FSTL4: variants seen among roughly 807,000 people sequenced by gnomAD.
FSTL4 encodes the protein follistatin like 4.
Under a neutral mutation model 78.2 loss-of-function variants are expected in FSTL4, and 28 were observed. That is an observed-to-expected ratio of 0.36 (90% CI 0.27 to 0.49). The LOEUF (loss-of-function observed/expected upper bound fraction) is 0.49. Among genes scored for constraint, FSTL4 ranks in the 20% least tolerant of loss-of-function variants. The pLI is 0.98. For missense variants in FSTL4, 922 were observed against 1,084.9 expected (o/e 0.85, Z 2.11); for synonymous variants, 422 against 440.5 (o/e 0.96, Z 0.53).
At chr5:133,290,962 C>G (rs140216204) in intron 6 of FSTL4, among the ~76,000 whole-genome samples, 2 of 152,374 alleles carry the variant, frequency 1.3e-5, no homozygotes, top group Non-Finnish European at 2.9e-5. Context: ...GCTTCCCACT[C>G]TTGTGCCGCA....
chr5:133,801,295 C>G, the FSTL4 span, among the ~76,000 whole-genome samples: 1 of 152,116 alleles, frequency 6.6e-6, no homozygotes, highest in Admixed American at 6.5e-5. Flanking sequence ...AACTCAATGC[C>G]GAAGAACACG....
At chr5:133,491,522 C>T (rs756225475) in intron 3 of FSTL4, among the ~76,000 whole-genome samples, 2 of 151,848 alleles carry the variant, frequency 1.3e-5, no homozygotes, top group Non-Finnish European at 1.5e-5. Context: ...GCTTCAGCCT[C>T]CAGAGTAGCT....
chr5:133,299,986 C>G (rs797004959), intron 6 of FSTL4, among the ~76,000 whole-genome samples: 13 of 152,322 alleles, frequency 8.5e-5, no homozygotes, highest in African/African-American at 3.1e-4. Flanking sequence ...ACCTTCCTCA[C>G]AGCTGGCCCT....
the FSTL4 span, among the ~76,000 whole-genome samples, chr5:133,796,652 C>T: frequency 3.9e-5 from 6 of 152,116 alleles, no homozygotes; most frequent in South Asian, 4.2e-4. Flanking sequence ...TTCTCTGCCG[C>T]GTCATTCCGC....
intron 8 of FSTL4, among the ~76,000 whole-genome samples, chr5:133,230,452 G>A (rs11957593): frequency 0.029 from 4,447 of 152,244 alleles, 224 homozygotes; most frequent in African/African-American, 0.1. Context: ...TCAAGGGTGT[G>A]GAATGAATCA....
At chr5:133,529,758 CAGAGTTGCTGGTTCAG>C (rs1759212550) in intron 3 of FSTL4, among the ~76,000 whole-genome samples, 1 of 152,154 alleles carries the variant, frequency 6.6e-6, no homozygotes, top group South Asian at 2.1e-4. Context: ...ACTCACCCTT[CAGAGTTGCTGGTTCAG>C]AACTCTGTTG....
At chr5:133,805,142 C>T in the FSTL4 span, among the ~76,000 whole-genome samples, 1 of 151,794 alleles carries the variant, frequency 6.6e-6, no homozygotes, top group African/African-American at 2.4e-5. Context: ...TCATCCACTT[C>T]ACCCACCTCC....
chr5:133,389,346 C>T (rs976025508), intron 4 of FSTL4, among the ~76,000 whole-genome samples: 7 of 152,162 alleles, frequency 4.6e-5, no homozygotes, highest in Non-Finnish European at 7.3e-5. Flanking sequence ...GTCACTGCCA[C>T]GACATATTGC....
chr5:133,473,969 T>C (rs975233178), intron 3 of FSTL4, among the ~76,000 whole-genome samples: 4 of 152,098 alleles, frequency 2.6e-5, no homozygotes, highest in African/African-American at 9.7e-5. Flanking sequence ...TACATGGGGA[T>C]TGCAATTTGA....
At chr5:133,254,658 C>G (rs1185393731) in intron 6 of FSTL4, among the ~76,000 whole-genome samples, 1 of 152,234 alleles carries the variant, frequency 6.6e-6, no homozygotes, top group African/African-American at 2.4e-5. Flanking sequence ...CGCAGTCATA[C>G]AGTGAAGACG....
chr5:133,515,244 G>A (rs1758829447), intron 3 of FSTL4, among the ~76,000 whole-genome samples: 2 of 151,962 alleles, frequency 1.3e-5, no homozygotes, highest in African/African-American at 4.8e-5. Flanking sequence ...AAGTGGTACA[G>A]GGCTAGGCAT....
chr5:133,838,800 G>T, the FSTL4 span, among the ~76,000 whole-genome samples: 5 of 152,286 alleles, frequency 3.3e-5, no homozygotes, highest in African/African-American at 1.2e-4. Context: ...GCATTCTGCT[G>T]GTCGTGACAA....
chr5:133,222,590 C>T (rs1445181045), intron 11 of FSTL4, among the ~76,000 whole-genome samples: 1 of 152,200 alleles, frequency 6.6e-6, no homozygotes, highest in Middle Eastern at 3.2e-3. Flanking sequence ...CATAATAGAG[C>T]CCACATGGGG....
At chr5:133,582,879 C>A (rs1401106904) in intron 2 of FSTL4, among the ~76,000 whole-genome samples, 1 of 152,152 alleles carries the variant, frequency 6.6e-6, no homozygotes, top group Non-Finnish European at 1.5e-5. Flanking sequence ...GCCCTCCTCT[C>A]CTCACTCATG....
intron 3 of FSTL4, among the ~76,000 whole-genome samples, chr5:133,486,360 G>A (rs1758135062): frequency 6.6e-6 from 1 of 150,684 alleles, no homozygotes; most frequent in African/African-American, 2.4e-5. Flanking sequence ...GGAGGGAGAG[G>A]AGGGGAGAGA....
At chr5:133,648,568 C>T in the FSTL4 span, among the ~76,000 whole-genome samples, 1 of 152,142 alleles carries the variant, frequency 6.6e-6, no homozygotes, top group Non-Finnish European at 1.5e-5. Context: ...CAATTCTAAG[C>T]CTGGGAAGAA....
chr5:133,568,002 G>C (rs963316943), intron 2 of FSTL4, among the ~76,000 whole-genome samples: 1 of 152,212 alleles, frequency 6.6e-6, no homozygotes, highest in Non-Finnish European at 1.5e-5. Flanking sequence ...ATAAGGAAAA[G>C]TGTTTTTAAA....
the FSTL4 span, among the ~76,000 whole-genome samples, chr5:133,631,060 G>T: frequency 1.3e-5 from 2 of 152,042 alleles, no homozygotes; most frequent in Non-Finnish European, 2.9e-5. Context: ...AGCAAACCTA[G>T]GCGATACCAT....
At chr5:133,789,848 C>T in the FSTL4 span, among the ~76,000 whole-genome samples, 2 of 152,090 alleles carry the variant, frequency 1.3e-5, no homozygotes, top group African/African-American at 2.4e-5. Flanking sequence ...GGATTAGGGC[C>T]CTGCCTTATG....
Sources: gnomAD v4.1 joint callset for allele counts (sites outside exome capture counted in the v4.1 genomes callset) on GRCh38, gnomAD v4.1.1 for gene constraint, MANE v1.5 for transcripts, NCBI Gene and HGNC (gene_info 2026-07-23, HGNC 2026-07-21) for gene names.